P2RX7: variants seen among roughly 807,000 people sequenced by gnomAD.
P2RX7 encodes P2X purinoceptor 7.
P2RX7 carries 62 observed loss-of-function variants against 71.6 expected under a neutral mutation model. That is an observed-to-expected ratio of 0.87 (90% CI 0.71 to 1.07). The LOEUF (loss-of-function observed/expected upper bound fraction) is 1.07, where lower values mean the gene tolerates loss of function less well. P2RX7 is among the 50% of genes least tolerant of loss of function. The probability of loss-of-function intolerance (pLI) is 0.00; values close to 1 mark genes in which losing one functional copy is unlikely to be tolerated. For synonymous variants in P2RX7, 299 were observed against 283.3 expected, an observed-to-expected ratio of 1.06 and a Z score of -0.56; for missense variants, 686 against 748.5, an observed-to-expected ratio of 0.92 and a Z score of 0.97.
chr12:121,163,362 A>G (rs958572626), intron 5 of P2RX7, among the ~76,000 whole-genome samples: 6 of 143,902 alleles, frequency 4.2e-5, no homozygotes, highest in South Asian at 2.1e-4. Context: ...ACACACGCAC[A>G]CACACACACA....
chr12:121,137,453 G>C (rs1421502957), intron 1 of P2RX7, among the ~76,000 whole-genome samples: 1 of 152,214 alleles, frequency 6.6e-6, no homozygotes, highest in Non-Finnish European at 1.5e-5. Context: ...CAATTTTGAT[G>C]AGCCATGATT....
At chr12:121,168,260 GTTTTC>G (rs372601410) in intron 8 of P2RX7, among the ~76,000 whole-genome samples, 6 of 147,378 alleles carry the variant, frequency 4.1e-5, no homozygotes, top group South Asian at 2.1e-4. Flanking sequence ...TTCAGGCAGT[GTTTTC>G]TTTTCTTTTC....
rs537366898 is a variant in P2RX7, at chr12:121,153,778, T to C, written c.126-1007T>C. 1.4e-3 allele frequency among the ~76,000 whole-genome samples: 212 copies of C among 152,174 alleles called. 2 individuals carry two copies. The highest frequency in any genetic ancestry group is 5.0e-3 in the African/African-American group (208 of 41,532). Reference sequence around the variant, plus strand: ...CTGTTGTGACGATTAAAGGAGATGGTGCATGCAGAGTACTTGGCACATATG... The same window carrying C: ...CTGTTGTGACGATTAAAGGAGATGGCGCATGCAGAGTACTTGGCACATATG... On this transcript the variant is annotated intron_variant, in intron 1 of 12. Transcript: ENST00000328963.
intron 5 of P2RX7, among the ~76,000 whole-genome samples, chr12:121,164,462 G>T (rs889539412): frequency 1.3e-5 from 2 of 152,158 alleles, no homozygotes; most frequent in Admixed American, 6.6e-5. Context: ...ATGCCACTGG[G>T]TCTTGTGTTA....
At chr12:121,178,656 G>T (rs1327828606) in intron 11 of P2RX7, among the ~76,000 whole-genome samples, 1 of 151,994 alleles carries the variant, frequency 6.6e-6, no homozygotes, top group Non-Finnish European at 1.5e-5. Context: ...GCCAGGCGTG[G>T]TGGTGCATGC....
chr12:121,160,101 C>CT (rs758438485), intron 3 of P2RX7, among the ~76,000 whole-genome samples: 16 of 149,708 alleles, frequency 1.1e-4, no homozygotes, highest in South Asian at 8.4e-4. Context: ...TTCTTTCTTT[C>CT]TTTTTTTTTC....
At chr12:121,155,113 A>G in intron 2 of P2RX7, 160 bp downstream of exon 2, 1 of 1,472,806 alleles carries the variant, frequency 6.8e-7, no homozygotes, top group Non-Finnish European at 9.1e-7. Flanking sequence ...AAATTGCAAA[A>G]CTGGGTGAGA....
intron 3 of P2RX7, among the ~76,000 whole-genome samples, chr12:121,159,662 C>A (rs1313549463): frequency 6.6e-6 from 1 of 152,158 alleles, no homozygotes; most frequent in Non-Finnish European, 1.5e-5. Flanking sequence ...GGCCATGAAG[C>A]CTGCTCCCTA....
chr12:121,180,530 G>A (rs191401942), intron 12 of P2RX7, 75 bp downstream of exon 12: 108 of 683,650 alleles, frequency 1.6e-4, no homozygotes, highest in Non-Finnish European at 2.4e-4. Flanking sequence ...CTAGAAACTT[G>A]TACAAATCAA....
At position 121,165,348 on chromosome 12, in the gene P2RX7, C is replaced by T. The variant is rs753834830; in HGVS notation, c.534-9C>T. ...TCACTAATGGCCATTTTGCATGTCT[C>T]TCTCCCAGGCCTGCTCTCTTGAACA... On this transcript the variant is annotated splice_polypyrimidine_tract_variant and intron_variant, in intron 5 of 12. Coordinates refer to ENST00000328963, the MANE Select transcript of P2RX7 (RefSeq NM_002562.6). 4 of 1,612,904 alleles carry T rather than the reference C, an allele frequency of 2.5e-6. No homozygotes were observed. The highest frequency in any genetic ancestry group is 1.1e-5 in the South Asian group (1 of 91,052).
intron 1 of P2RX7, among the ~76,000 whole-genome samples, chr12:121,134,020 G>A (rs1269516204): frequency 2.6e-5 from 4 of 152,084 alleles, no homozygotes; most frequent in African/African-American, 9.7e-5. Context: ...CATTGCACCC[G>A]GCTGATACTT....
At chr12:121,180,303 C>A (rs1440642859) in intron 11 of P2RX7, 51 bp from the exon 12 acceptor site, 1 of 1,080,382 alleles carries the variant, frequency 9.3e-7, no homozygotes, top group Non-Finnish European at 1.4e-6. Context: ...ATAGGCAATT[C>A]TTGATAATTC....
chr12:121,134,870 C>T (rs1424779878), intron 1 of P2RX7, among the ~76,000 whole-genome samples: 1 of 151,816 alleles, frequency 6.6e-6, no homozygotes, highest in Admixed American at 6.6e-5. Flanking sequence ...GTTAGGGTAA[C>T]TTATTTCATA....
chr12:121,161,049 T>A, intron 4 of P2RX7, 75 bp downstream of exon 4: 2 of 1,081,438 alleles, frequency 1.8e-6, no homozygotes, highest in East Asian at 4.7e-5. Context: ...GATGCCCAGG[T>A]CAGGTCTTCA....
chr12:121,147,412 C>A (rs1593023828), intron 1 of P2RX7, among the ~76,000 whole-genome samples: 2 of 152,038 alleles, frequency 1.3e-5, no homozygotes, highest in Non-Finnish European at 2.9e-5. Flanking sequence ...GTGGTTGGCA[C>A]ATGGTAAGGA....
chr12:121,135,332 C>T (rs1055598309), intron 1 of P2RX7, among the ~76,000 whole-genome samples: 50 of 151,822 alleles, frequency 3.3e-4, no homozygotes, highest in African/African-American at 6.3e-4. Flanking sequence ...AGCAAGACTC[C>T]ATCTCAAAAT....
intron 9 of P2RX7, among the ~76,000 whole-genome samples, chr12:121,175,881 G>A (rs1283623268): frequency 1.3e-5 from 2 of 152,032 alleles, no homozygotes; most frequent in Non-Finnish European, 2.9e-5. Context: ...AAGCATGGTT[G>A]GATCCAGGTG....
At chr12:121,155,355 C>T in intron 2 of P2RX7, 1 of 1,295,966 alleles carries the variant, frequency 7.7e-7, no homozygotes, top group Non-Finnish European at 1.0e-6. Context: ...ACAAAAATGA[C>T]TCCAGGAGAC....
rs1653625 is a variant in P2RX7 at position 121,185,082 on chromosome 12, C to A, written c.*280C>A. The A allele has an allele frequency of 0.37, 71,414 of 195,154 alleles. 12,502 individuals carry two copies. The highest frequency in any genetic ancestry group is 0.58 in the African/African-American group (23,759 of 41,296). 12.1% of individuals were successfully genotyped at this position (195,154 alleles called of 1,614,324 possible). ...CCTGGGAGGCACAGCAAACTGTCCCCCAAAAAAAAAAAAGAGTCCTTACCA... is the reference window on the plus strand; with the variant it reads ...CCTGGGAGGCACAGCAAACTGTCCCACAAAAAAAAAAAAGAGTCCTTACCA... On this transcript the variant is annotated 3_prime_UTR_variant, in exon 13 of 13. Coordinates refer to ENST00000328963, the MANE Select transcript of P2RX7 (RefSeq NM_002562.6).
Sources: gnomAD v4.1 joint callset for allele counts (sites outside exome capture counted in the v4.1 genomes callset) on GRCh38, gnomAD v4.1.1 for gene constraint, MANE v1.5 for transcripts, NCBI Gene and HGNC (gene_info 2026-07-23, HGNC 2026-07-21) for gene names.